The following HP1BP3 variants were observed in gnomAD, a reference collection of about 807,000 sequenced individuals.
The protein encoded by HP1BP3 is heterochromatin protein 1-binding protein 3.
Under a neutral mutation model 62.5 loss-of-function variants are expected in HP1BP3, and 12 were observed. That is an observed-to-expected ratio of 0.19 (90% CI 0.12 to 0.31). The LOEUF (loss-of-function observed/expected upper bound fraction) is 0.31, where lower values mean the gene tolerates loss of function less well. Ranked by LOEUF, HP1BP3 falls within the 10% of genes least tolerant of loss-of-function variation. The pLI, the probability that HP1BP3 is intolerant of heterozygous loss-of-function variation, is 1.00. For missense variants in HP1BP3, 502 were observed against 651.8 expected (o/e 0.77, Z 2.50); for synonymous variants, 260 against 237.8 (o/e 1.09, Z -0.86).
chr1:20,776,560 C>T (rs1230536606), intron 4 of HP1BP3, 37 bp downstream of exon 4: 4 of 1,567,982 alleles, frequency 2.6e-6, no homozygotes, highest in Non-Finnish European at 3.5e-6. Context: ...TTTACACATT[C>T]TTCAAATATA....
chr1:20,780,847 GAATA>G (rs1259739455), intron 1 of HP1BP3, among the ~76,000 whole-genome samples: 1 of 152,194 alleles, frequency 6.6e-6, no homozygotes, highest in African/African-American at 2.4e-5. Flanking sequence ...TAGAAGGATA[GAATA>G]AAGAGACTAA....
At chr1:20,781,574 G>C (rs191584370) in intron 1 of HP1BP3, among the ~76,000 whole-genome samples, 1 of 152,334 alleles carries the variant, frequency 6.6e-6, no homozygotes, top group Admixed American at 6.5e-5. Flanking sequence ...AAAGAATTCA[G>C]TGCAGTGTAA....
rs777458010 is a variant in HP1BP3, at chr1:20,747,139, A to AATCACT, written c.1253+399_1253+404dup. ...CTCAAATAATCTTATGCCTGGCTAA[A>AATCACT]ATCACTATTTTTATACAAAACCTTT... On this transcript the variant is annotated intron_variant, in intron 11 of 12. Coordinates refer to ENST00000438032, the MANE Select transcript of HP1BP3 (RefSeq NM_001372052.1). 2.2e-4 allele frequency among the ~76,000 whole-genome samples: 34 copies of AATCACT among 152,248 alleles called. 1 individual carries two copies. The highest frequency in any genetic ancestry group is 3.8e-4 in the Non-Finnish European group (26 of 68,048).
rs1351179847 is a variant in HP1BP3 at position 20,767,521 on chromosome 1, T to C, written c.735+63A>G. On this transcript the variant is annotated intron_variant, in intron 7 of 12. Transcript: ENST00000438032. ...AGGCACACAGCAAACACTCAATGAATGTTGCTATTTTTAGTAGCAGTAACA... is the reference window on the plus strand; with the variant it reads ...AGGCACACAGCAAACACTCAATGAACGTTGCTATTTTTAGTAGCAGTAACA... 5.8e-6 allele frequency: 6 copies of C among 1,038,402 alleles called. No individual in the cohort carries two copies. In the African/African-American group the frequency reaches 9.5e-5, roughly 17 times the overall value. 64.3% of individuals were successfully genotyped at this position (1,038,402 alleles called of 1,614,324 possible). A position where few individuals can be genotyped will look rare whatever the true frequency, so the allele number is the denominator to read the frequency against.
intron 6 of HP1BP3, 90 bp from the exon 7 acceptor site, chr1:20,767,754 T>G: frequency 2.6e-6 from 2 of 758,192 alleles, no homozygotes; most frequent in Non-Finnish European, 4.3e-6. Context: ...AGAGCTAATG[T>G]AAAGTGGTGT....
chr1:20,761,093 G>A (rs183355315), intron 8 of HP1BP3, among the ~76,000 whole-genome samples: 16 of 152,188 alleles, frequency 1.1e-4, no homozygotes, highest in East Asian at 9.7e-4. Context: ...CGCCCAGGCT[G>A]GAGTGCAGTG....
At chr1:20,752,564 A>G (rs2055838339) in intron 9 of HP1BP3, among the ~76,000 whole-genome samples, 1 of 152,106 alleles carries the variant, frequency 6.6e-6, no homozygotes, top group Admixed American at 6.5e-5. Context: ...TGCTAGGATT[A>G]CAGGTGTGAG....
intron 5 of HP1BP3, 24 bp downstream of exon 5, chr1:20,773,427 G>T (rs1298999444): frequency 1.3e-6 from 2 of 1,577,166 alleles, no homozygotes; most frequent in East Asian, 4.5e-5. Context: ...AATCTAAGAT[G>T]AATTGCTTGA....
chr1:20,780,159 T>C (rs1300846450), intron 2 of HP1BP3, among the ~76,000 whole-genome samples, 186 bp downstream of exon 2: 4 of 152,212 alleles, frequency 2.6e-5, no homozygotes, highest in Non-Finnish European at 4.4e-5. Flanking sequence ...GCTATAAATT[T>C]AGAAGGTTGG....
intron 4 of HP1BP3, chr1:20,775,043 G>C (rs944794126): frequency 6.7e-6 from 1 of 149,866 alleles, no homozygotes; most frequent in African/African-American, 2.5e-5. Flanking sequence ...ATAATAAACA[G>C]CTATGCTACT....
At chr1:20,770,065 T>C (rs930527115) in intron 6 of HP1BP3, among the ~76,000 whole-genome samples, 3 of 152,222 alleles carry the variant, frequency 2.0e-5, no homozygotes, top group African/African-American at 7.2e-5. Flanking sequence ...AAGTTTATTC[T>C]AGCTTTAGAT....
intron 1 of HP1BP3, among the ~76,000 whole-genome samples, chr1:20,784,667 G>A (rs932988834): frequency 6.6e-6 from 1 of 151,834 alleles, no homozygotes; most frequent in Non-Finnish European, 1.5e-5. Context: ...CAGTAGAGAC[G>A]GGGTTTCACC....
At chr1:20,781,625 A>C (rs2057552305) in intron 1 of HP1BP3, among the ~76,000 whole-genome samples, 1 of 152,118 alleles carries the variant, frequency 6.6e-6, no homozygotes, top group African/African-American at 2.4e-5. Context: ...ATTAATATTA[A>C]ATTTTTTTTT....
In HP1BP3 at chr1:20,761,296, C is replaced by T. The variant is rs191326914; in HGVS notation, c.891-4040G>A. Among the ~76,000 whole-genome samples the T allele has an allele frequency of 2.2e-3, 334 of 152,242 alleles. 1 individual carries two copies. The highest frequency in any genetic ancestry group is 7.4e-3 in the African/African-American group (306 of 41,522). On this transcript the variant is annotated intron_variant, in intron 8 of 12. Coordinates refer to ENST00000438032, the MANE Select transcript of HP1BP3 (RefSeq NM_001372052.1). ...TCCTGACCTCATGTGATCCACCTGC[C>T]TCCCAAAGTGCTGGGATTACAGGCA...
At chr1:20,760,289 A>T (rs1336450294) in intron 8 of HP1BP3, among the ~76,000 whole-genome samples, 1 of 151,940 alleles carries the variant, frequency 6.6e-6, no homozygotes, top group Non-Finnish European at 1.5e-5. Context: ...CTGTAATCCC[A>T]ACACCTGGGT....
intron 1 of HP1BP3, among the ~76,000 whole-genome samples, chr1:20,785,563 A>C (rs569685802): frequency 2.6e-5 from 4 of 152,208 alleles, no homozygotes; most frequent in Non-Finnish European, 5.9e-5. Context: ...TTCAAATGTA[A>C]GTTATATAAG....
rs199509532 is a variant in HP1BP3, at chr1:20,768,880, T to C, written c.655-1216A>G. 6.6e-5 allele frequency among the ~76,000 whole-genome samples: 10 copies of C among 152,296 alleles called. No homozygotes were observed. In the East Asian group the frequency reaches 1.2e-3, roughly 18 times the overall value. ...AAGTCCTCCACAGCTTAGTTTTACCTACACTGCTATCAATGCAGCAATCAA... is the reference window on the plus strand; with the variant it reads ...AAGTCCTCCACAGCTTAGTTTTACCCACACTGCTATCAATGCAGCAATCAA... On this transcript the variant is annotated intron_variant, in intron 6 of 12. Coordinates refer to ENST00000438032, the MANE Select transcript of HP1BP3 (RefSeq NM_001372052.1).
At position 20,745,578 on chromosome 1, in the gene HP1BP3, T is replaced by G. The variant is rs753945579; in HGVS notation, c.1332A>C (p.Glu444Asp). The G allele has an allele frequency of 1.9e-6, 3 of 1,612,482 alleles. No individual in the cohort carries two copies. Among genetic ancestry groups the G allele is most frequent in the Non-Finnish European group, 2.5e-6 (3 of 1,178,446 alleles). Residue 444 changes from glutamate (E) to aspartate (D), a missense_variant, in exon 12 of 13, where the codon GAA becomes GAC. Around this residue, in one of 5 missense-constraint regions of HP1BP3, gnomAD observed 194 missense variants for 207.0 expected, o/e 0.94. Transcript: ENST00000438032. Reference sequence around the variant, plus strand: ...GTGGCGGCTCTTCATCCTCAGAGTCTTCTTCTGATGACTCATCTTCATCTT... The same window carrying G: ...GTGGCGGCTCTTCATCCTCAGAGTCGTCTTCTGATGACTCATCTTCATCTT... ...EDEDEDESSE[E>D]DSEDEEPPPK...
chr1:20,751,257 A>G (rs2055730436), intron 9 of HP1BP3, among the ~76,000 whole-genome samples: 1 of 152,038 alleles, frequency 6.6e-6, no homozygotes, highest in South Asian at 2.1e-4. Flanking sequence ...ACAGTAGGCT[A>G]TTAATAGTCA....
Sources: allele counts gnomAD v4.1 joint callset (sites outside exome capture counted in the v4.1 genomes callset), GRCh38; gene constraint gnomAD v4.1.1; regional missense constraint gnomAD v4.1.1; transcripts MANE v1.5; gene names NCBI Gene and HGNC (gene_info 2026-07-23, HGNC 2026-07-21).